The following TASP1 variants were observed in gnomAD, a reference collection of about 807,000 sequenced individuals.
TASP1 encodes taspase 1.
A neutral mutation model predicts 56.6 loss-of-function variants in TASP1; 16 were observed. The observed-to-expected ratio is 0.28, with a 90% CI of 0.19 to 0.43. The LOEUF (loss-of-function observed/expected upper bound fraction) is 0.43, where lower values mean the gene tolerates loss of function less well. TASP1 is among the 20% of genes least tolerant of loss of function. TASP1 has a pLI of 1.00. For synonymous variants in TASP1, 179 were observed against 184.2 expected, an observed-to-expected ratio of 0.97 and a Z score of 0.23; for missense variants, 393 against 511.6, an observed-to-expected ratio of 0.77 and a Z score of 2.24.
chr20:13,610,663 C>A (rs1270052600), intron 4 of TASP1, among the ~76,000 whole-genome samples: 1 of 152,034 alleles, frequency 6.6e-6, no homozygotes, highest in Non-Finnish European at 1.5e-5. Flanking sequence ...ATTTCTTATG[C>A]CTGCATGTAT....
At chr20:13,483,880 A>G (rs922102507) in intron 10 of TASP1, among the ~76,000 whole-genome samples, 1 of 152,196 alleles carries the variant, frequency 6.6e-6, no homozygotes. Context: ...CAACCTACAG[A>G]ATGGGAGAAA....
the TASP1 span, among the ~76,000 whole-genome samples, chr20:13,277,646 T>G: frequency 7.5e-6 from 1 of 133,328 alleles, no homozygotes; most frequent in African/African-American, 2.5e-5. Flanking sequence ...CCCTACCCTT[T>G]TTTTTTTTTT....
chr20:13,362,360 C>T, the TASP1 span, among the ~76,000 whole-genome samples: 4 of 151,972 alleles, frequency 2.6e-5, no homozygotes, highest in Non-Finnish European at 5.9e-5. Flanking sequence ...CCCATCTTAA[C>T]TGATGAAATT....
At chr20:13,603,697 G>C (rs966012281) in intron 4 of TASP1, among the ~76,000 whole-genome samples, 2 of 152,124 alleles carry the variant, frequency 1.3e-5, no homozygotes, top group South Asian at 4.1e-4. Flanking sequence ...TTTTTAAGGG[G>C]CAAACAGTTT....
chr20:13,611,946 A>T lies in TASP1; in HGVS notation c.282+11500T>A, dbSNP rs558827728. Among the ~76,000 whole-genome samples, 30 of 152,322 alleles carry T rather than the reference A, an allele frequency of 2.0e-4. No individual in the cohort carries two copies. In the South Asian group the frequency reaches 4.6e-3, roughly 23 times the overall value. ...CGCATCTGTGAAATGTCTCTTTTGC[A>T]ATCTCTGGCCTACATCACTTTGTAA... is the stretch of plus-strand genomic sequence containing the variant. On this transcript the variant is annotated intron_variant, in intron 4 of 13. Coordinates refer to ENST00000337743, the MANE Select transcript of TASP1 (RefSeq NM_017714.3).
intron 11 of TASP1, among the ~76,000 whole-genome samples, chr20:13,446,897 G>A (rs1169818785): frequency 6.6e-6 from 1 of 152,042 alleles, no homozygotes; most frequent in Non-Finnish European, 1.5e-5. Flanking sequence ...TATGCTCCTG[G>A]ACATAGATGT....
At chr20:13,221,081 G>A in the TASP1 span, among the ~76,000 whole-genome samples, 2 of 152,116 alleles carry the variant, frequency 1.3e-5, no homozygotes, top group Non-Finnish European at 2.9e-5. Flanking sequence ...CCGGGACTCC[G>A]AGTGCGGGGC....
chr20:13,525,707 T>C (rs1279432731), intron 10 of TASP1, among the ~76,000 whole-genome samples: 1 of 152,176 alleles, frequency 6.6e-6, no homozygotes, highest in Non-Finnish European at 1.5e-5. Flanking sequence ...TCCACCTTTC[T>C]TCTGACTTGA....
At chr20:13,176,827 T>G in the TASP1 span, among the ~76,000 whole-genome samples, 3 of 152,140 alleles carry the variant, frequency 2.0e-5, no homozygotes, top group Non-Finnish European at 2.9e-5. Flanking sequence ...ACAAACTAGC[T>G]GAAAAGAAAT....
the TASP1 span, among the ~76,000 whole-genome samples, chr20:13,335,311 T>C: frequency 2.7e-5 from 4 of 145,762 alleles, no homozygotes; most frequent in Non-Finnish European, 3.0e-5. Context: ...TCCAGAACTC[T>C]CCCCTCACCT....
chr20:13,256,826 G>C, the TASP1 span, among the ~76,000 whole-genome samples: 3 of 152,176 alleles, frequency 2.0e-5, no homozygotes, highest in Non-Finnish European at 2.9e-5. Context: ...TATCCACCCA[G>C]TGGGAAGCTT....
the TASP1 span, among the ~76,000 whole-genome samples, chr20:13,121,572 G>A: frequency 5.9e-5 from 9 of 152,098 alleles, no homozygotes; most frequent in Non-Finnish European, 8.8e-5. Flanking sequence ...ACCTCGATAC[G>A]AGGAGACCTC....
At chr20:13,473,001 A>T (rs182381958) in intron 11 of TASP1, among the ~76,000 whole-genome samples, 104 of 152,258 alleles carry the variant, frequency 6.8e-4, no homozygotes, top group African/African-American at 2.4e-3. Context: ...AAACCAAAGG[A>T]TTATAGAAAC....
At chr20:13,460,017 T>G (rs368196887) in intron 11 of TASP1, among the ~76,000 whole-genome samples, 1 of 152,158 alleles carries the variant, frequency 6.6e-6, no homozygotes, top group Non-Finnish European at 1.5e-5. Flanking sequence ...CCCCATTATC[T>G]TCTTCAAGAA....
the TASP1 span, among the ~76,000 whole-genome samples, chr20:13,158,339 G>T: frequency 5.3e-5 from 8 of 152,108 alleles, no homozygotes; most frequent in African/African-American, 1.9e-4. Flanking sequence ...GTAGTGTAAG[G>T]TTTAAATTCA....
At chr20:13,292,036 G>A in the TASP1 span, among the ~76,000 whole-genome samples, 5 of 152,092 alleles carry the variant, frequency 3.3e-5, no homozygotes, top group African/African-American at 4.8e-5. Context: ...TAAACACTAC[G>A]TTCTACTGCC....
At chr20:13,395,724 C>T (rs1423085659) in intron 13 of TASP1, among the ~76,000 whole-genome samples, 6 of 144,578 alleles carry the variant, frequency 4.2e-5, no homozygotes, top group South Asian at 2.2e-4. Context: ...TTTCTTGAGA[C>T]GCAGTCTCAC....
chr20:13,584,907 C>T lies in TASP1; in HGVS notation c.403+2343G>A, dbSNP rs143643399. On this transcript the variant is annotated intron_variant, in intron 5 of 13. Coordinates refer to ENST00000337743, the MANE Select transcript of TASP1 (RefSeq NM_017714.3). ...TATTGAATCCTACTTTTTAAAACTT[C>T]CCACAAAGAAAACCCCGTTAATTTG... Among the ~76,000 whole-genome samples, 419 of 152,208 alleles carry T rather than the reference C, an allele frequency of 2.8e-3. 1 individual carries two copies. The highest frequency in any genetic ancestry group is 9.4e-3 in the African/African-American group (391 of 41,548).
At chr20:13,304,536 C>T in the TASP1 span, among the ~76,000 whole-genome samples, 1 of 152,196 alleles carries the variant, frequency 6.6e-6, no homozygotes, top group Admixed American at 6.5e-5. Context: ...TCAAACCAGC[C>T]CAACTTTCAA....
Sources: allele counts gnomAD v4.1 joint callset (sites outside exome capture counted in the v4.1 genomes callset), GRCh38; gene constraint gnomAD v4.1.1; transcripts MANE v1.5; gene names NCBI Gene and HGNC (gene_info 2026-07-23, HGNC 2026-07-21).